Variants in PTP4A2 observed in about 807,000 individuals in gnomAD.
PTP4A2 encodes protein tyrosine phosphatase 4A2, also known as protein tyrosine phosphatase type IVA 2.
In PTP4A2, 2 loss-of-function variants were observed where a neutral mutation model predicts 22.9. The observed-to-expected ratio is 0.09, with a 90% CI of 0.04 to 0.27. The LOEUF (loss-of-function observed/expected upper bound fraction) is 0.27. PTP4A2 is among the 10% of genes least tolerant of loss of function. PTP4A2 has a pLI of 1.00. For missense variants in PTP4A2, 103 were observed against 205.1 expected (o/e 0.50, Z 3.04); for synonymous variants, 68 against 69.1 (o/e 0.98, Z 0.08).
chr1:31,915,644 A>C (rs1276660751), intron 3 of PTP4A2: 10 of 227,612 alleles, frequency 4.4e-5, no homozygotes, highest in Non-Finnish European at 6.7e-5. Context: ...GGCTCAAGTG[A>C]TTCCCTCACC....
rs1651381120 is a variant in PTP4A2, at chr1:31,908,872, C to T, written c.484G>A (p.Gly162Arg). 4 of 1,612,954 alleles carry T rather than the reference C, an allele frequency of 2.5e-6. No homozygotes were observed. Among genetic ancestry groups the T allele is most frequent in the Non-Finnish European group, 3.4e-6 (4 of 1,179,458 alleles). ...KMRLRFRDTN[G>R]HCCVQ ...TCCTTCTACTGAACACAGCAATGCC[C>T]ATTGGTATCTCTGAAGCGTAATCGC... Residue 162 changes from glycine (G) to arginine (R), a missense_variant, in exon 6 of 6, where the codon GGG (glycine) becomes AGG (arginine). Transcript: ENST00000647444.
In PTP4A2 at chr1:31,919,179, A is replaced by C; in HGVS notation, c.-114T>G. On this transcript the variant is annotated 5_prime_UTR_variant, in exon 2 of 6. Transcript: ENST00000647444. Reference sequence around the variant, plus strand: ...AGAAAACATTAAAAAGACCACTAAAATGCCTATTATCAATCAGTGTTTTCT... The same window carrying C: ...AGAAAACATTAAAAAGACCACTAAACTGCCTATTATCAATCAGTGTTTTCT... The C allele has an allele frequency of 7.2e-6, 4 of 552,490 alleles. No individual in the cohort carries two copies. The highest frequency in any genetic ancestry group is 1.9e-5 in the African/African-American group (1 of 52,078). 34.2% of individuals were successfully genotyped at this position (552,490 alleles called of 1,614,324 possible).
chr1:31,927,954 T>C (rs1040161231), intron 1 of PTP4A2, among the ~76,000 whole-genome samples: 43 of 152,042 alleles, frequency 2.8e-4, no homozygotes, highest in African/African-American at 1.0e-3. Flanking sequence ...CTTTAATTAG[T>C]AAAGCGTTTA....
chr1:31,934,804 T>A (rs1652865629), intron 1 of PTP4A2, among the ~76,000 whole-genome samples: 1 of 152,230 alleles, frequency 6.6e-6, no homozygotes, highest in Admixed American at 6.5e-5. Context: ...TCAATGATGT[T>A]GTAAATGGTT....
intron 3 of PTP4A2, among the ~76,000 whole-genome samples, chr1:31,913,285 G>T (rs1651640737): frequency 6.6e-6 from 1 of 152,156 alleles, no homozygotes; most frequent in East Asian, 1.9e-4. Flanking sequence ...ATCTCTGTCT[G>T]GGAAAAGGAA....
Position 31,910,263 on chromosome 1 carries a change from T to C in PTP4A2, c.321-151A>G. On this transcript the variant is annotated intron_variant, in intron 4 of 5. Transcript: ENST00000647444. ...GTATCTGCCTAATACAGTAAATATA[T>C]CTCATCATCATTAATTCTATGATTT... 5.2e-6 allele frequency: 3 copies of C among 571,654 alleles called. No homozygotes were observed. The South Asian group carries it at 7.0e-5, about 13-fold the overall frequency. The allele number at this position is 571,654 out of a possible 1,614,324, so 35.4% of individuals were successfully genotyped here.
At position 31,909,442 on chromosome 1, in the gene PTP4A2, G is replaced by A. The variant is rs758169409; in HGVS notation, c.396-482C>T. ...TGTAATCCCAGCACTTTGGGAGGCC[G>A]AGGTGGGCGGATCACGAGATCAGGA... On this transcript the variant is annotated intron_variant, in intron 5 of 5. Transcript: ENST00000647444. Among the ~76,000 whole-genome samples, 10 of 152,246 alleles carry A rather than the reference G, an allele frequency of 6.6e-5. No homozygotes were observed. In the East Asian group the frequency reaches 1.5e-3, roughly 24 times the overall value.
chr1:31,929,224 A>G (rs1652616831), intron 1 of PTP4A2, among the ~76,000 whole-genome samples: 1 of 152,254 alleles, frequency 6.6e-6, no homozygotes, highest in African/African-American at 2.4e-5. Flanking sequence ...CCTTTCATAA[A>G]TAAAATTTAA....
chr1:31,906,755 TAC>T lies in PTP4A2; in HGVS notation c.*2095_*2096del, dbSNP rs140739232. On this transcript the variant is annotated 3_prime_UTR_variant, in exon 6 of 6. Transcript: ENST00000647444. ...GCGCGTGCACACACACACACACACA[TAC>T]ACACACACACACACACACACACACA... The T allele has an allele frequency of 0.58, 77,024 of 133,018 alleles. 21,467 individuals carry two copies. The highest frequency in any genetic ancestry group is 0.67 in the Non-Finnish European group (41,744 of 62,716). The allele number at this position is 133,018 out of a possible 1,614,324, so 8.2% of individuals were successfully genotyped here. A position where few individuals can be genotyped will look rare whatever the true frequency, so the allele number is the denominator to read the frequency against.
chr1:31,922,244 T>C (rs374901139), intron 1 of PTP4A2, among the ~76,000 whole-genome samples: 1 of 152,200 alleles, frequency 6.6e-6, no homozygotes, highest in Non-Finnish European at 1.5e-5. Flanking sequence ...AGCACTTTGG[T>C]AGGCCAAGGC....
intron 3 of PTP4A2, among the ~76,000 whole-genome samples, chr1:31,912,465 G>C (rs375738844): frequency 6.6e-6 from 1 of 152,172 alleles, no homozygotes; most frequent in African/African-American, 2.4e-5. Flanking sequence ...GCATGACAGG[G>C]TCCTGGGCAA....
At chr1:31,909,701 A>T (rs937294943) in intron 5 of PTP4A2, among the ~76,000 whole-genome samples, 2 of 151,868 alleles carry the variant, frequency 1.3e-5, no homozygotes, top group African/African-American at 4.8e-5. Flanking sequence ...TCAGGTGATT[A>T]ACTGCTCCTC....
chr1:31,906,918 A>G lies in PTP4A2; in HGVS notation c.*1934T>C, dbSNP rs943895529. 4.6e-5 allele frequency: 7 copies of G among 152,232 alleles called. No individual in the cohort carries two copies. Among genetic ancestry groups the G allele is most frequent in the Admixed American group, 1.3e-4 (2 of 15,292 alleles). The allele number at this position is 152,232 out of a possible 1,614,324, so 9.4% of individuals were successfully genotyped here. Reference sequence around the variant, plus strand: ...GGTATGCTGTTTTGATCTTGAGTCTATATTAATGGAATCTATTGTTGCATT... The same window carrying G: ...GGTATGCTGTTTTGATCTTGAGTCTGTATTAATGGAATCTATTGTTGCATT... On this transcript the variant is annotated 3_prime_UTR_variant, in exon 6 of 6. Coordinates refer to ENST00000647444, the MANE Select transcript of PTP4A2 (RefSeq NM_080391.4).
Position 31,938,181 on chromosome 1 carries a change from T to C in PTP4A2, c.-788A>G. 1 of 150,378 alleles carries C rather than the reference T, an allele frequency of 6.6e-6. No individual in the cohort carries two copies. The highest frequency in any genetic ancestry group is 2.0e-4 in the East Asian group (1 of 5,014). 9.3% of individuals were successfully genotyped at this position (150,378 alleles called of 1,614,324 possible). A position where few individuals can be genotyped will look rare whatever the true frequency, so the allele number is the denominator to read the frequency against. ...GCGGCGGCGCGTCTCCACGAGTCCG[T>C]CTTGCTGCTGCTGCTGCGGCCGCCG... is the stretch of plus-strand genomic sequence containing the variant. On this transcript the variant is annotated 5_prime_UTR_variant, in exon 1 of 6. Transcript: ENST00000647444. This position sits in a 1 kb window ranked among gnomAD's most constrained non-coding sequence, Gnocchi z 4.4.
intron 5 of PTP4A2, among the ~76,000 whole-genome samples, chr1:31,909,720 C>A (rs972522297): frequency 1.3e-5 from 2 of 151,356 alleles, no homozygotes; most frequent in Non-Finnish European, 2.9e-5. Context: ...TCTACACATT[C>A]TTCTTGCCTC....
chr1:31,928,510 G>A (rs1277739998), intron 1 of PTP4A2, among the ~76,000 whole-genome samples: 1 of 151,536 alleles, frequency 6.6e-6, no homozygotes, highest in Non-Finnish European at 1.5e-5. Context: ...GACCAGCCTG[G>A]CCAACATGGC....
Position 31,907,529 on chromosome 1 carries a change from TACTC to T in PTP4A2, c.*1319_*1322del, listed in dbSNP as rs1651243510. ...TACCCTGTTATGGCCTGTGGACACATACTCACTAGGCATCATTGTTGGTTTTAAA... is the reference window on the plus strand; with the variant it reads ...TACCCTGTTATGGCCTGTGGACACATACTAGGCATCATTGTTGGTTTTAAA... On this transcript the variant is annotated 3_prime_UTR_variant, in exon 6 of 6. Coordinates refer to ENST00000647444, the MANE Select transcript of PTP4A2 (RefSeq NM_080391.4). 1 of 152,144 alleles carries T rather than the reference TACTC, an allele frequency of 6.6e-6. No homozygotes were observed. The highest frequency in any genetic ancestry group is 1.5e-5 in the Non-Finnish European group (1 of 68,032). The allele number at this position is 152,144 out of a possible 1,614,324, so 9.4% of individuals were successfully genotyped here. A position where few individuals can be genotyped will look rare whatever the true frequency, so the allele number is the denominator to read the frequency against.
chr1:31,909,416 C>T (rs1207360889), intron 5 of PTP4A2, among the ~76,000 whole-genome samples: 1 of 152,138 alleles, frequency 6.6e-6, no homozygotes, highest in Non-Finnish European at 1.5e-5. Flanking sequence ...TGGCTCACGC[C>T]TGTAATCCCA....
intron 4 of PTP4A2, 187 bp from the exon 5 acceptor site, chr1:31,910,299 C>A (rs1005478884): frequency 2.0e-6 from 1 of 501,538 alleles, no homozygotes; most frequent in Non-Finnish European, 3.6e-6. Context: ...TTTTTTTTGG[C>A]GGGGCAGGGG....
Sources: allele counts gnomAD v4.1 joint callset (sites outside exome capture counted in the v4.1 genomes callset), GRCh38; gene constraint gnomAD v4.1.1; non-coding constraint Gnocchi (gnomAD v3.1); transcripts MANE v1.5; gene names NCBI Gene and HGNC (gene_info 2026-07-23, HGNC 2026-07-21).